Variants in LRRC17 observed in about 807,000 individuals in gnomAD.
The protein encoded by LRRC17 is leucine-rich repeat-containing protein 17.
A neutral mutation model predicts 41.5 loss-of-function variants in LRRC17; 33 were observed. The observed-to-expected ratio is 0.80, with a 90% CI of 0.60 to 1.06. The LOEUF (loss-of-function observed/expected upper bound fraction) is 1.06. Among genes scored for constraint, LRRC17 ranks in the 50% least tolerant of loss-of-function variants. The pLI is 0.00. For synonymous variants in LRRC17, 192 were observed against 197.0 expected, an observed-to-expected ratio of 0.97 and a Z score of 0.21; for missense variants, 491 against 519.3, an observed-to-expected ratio of 0.95 and a Z score of 0.53.
chr7:102,944,543 G>A lies in LRRC17; in HGVS notation c.1262G>A (p.Trp421Ter), dbSNP rs1221830346. The change falls in exon 4 of 4, where the codon TGG (tryptophan) becomes TAG (stop). Residue 421 changes from tryptophan (W) to a stop codon, truncating the protein, a stop_gained. Coordinates refer to ENST00000339431, the MANE Select transcript of LRRC17 (RefSeq NM_001031692.3). LOFTEE classifies it high-confidence loss of function. The part of the protein sequence containing the change: ...SFDQDTEDDE[W>*]EKKHRDHTAK... ...GACCAAGACACAGAAGATGATGAATGGGAAAAAAAACATAGAGATCACACC... is the reference window on the plus strand; with the variant it reads ...GACCAAGACACAGAAGATGATGAATAGGAAAAAAAACATAGAGATCACACC... The A allele has an allele frequency of 1.2e-6, 2 of 1,611,224 alleles. No individual in the cohort carries two copies. The highest frequency in any genetic ancestry group is 1.7e-6 in the Non-Finnish European group (2 of 1,179,132).
intron 1 of LRRC17, among the ~76,000 whole-genome samples, chr7:102,921,763 A>G (rs182897426): frequency 6.6e-6 from 1 of 152,376 alleles, no homozygotes; most frequent in African/African-American, 2.4e-5. Flanking sequence ...AAACTAGTCT[A>G]CCAAGAAATC....
chr7:102,939,616 G>C, intron 3 of LRRC17, 31 bp downstream of exon 3: 1 of 1,566,870 alleles, frequency 6.4e-7, no homozygotes, highest in Non-Finnish European at 8.6e-7. Context: ...CCTTCAATGG[G>C]TGGCAAGTGT....
intron 1 of LRRC17, among the ~76,000 whole-genome samples, chr7:102,920,984 G>C (rs147631853): frequency 6.6e-6 from 1 of 151,234 alleles, no homozygotes; most frequent in Admixed American, 6.6e-5. Flanking sequence ...AAACCCTGTC[G>C]CTACTAAAAA....
chr7:102,913,901 A>G (rs758113186), intron 1 of LRRC17, among the ~76,000 whole-genome samples: 44 of 152,214 alleles, frequency 2.9e-4, no homozygotes, highest in Non-Finnish European at 4.9e-4. Context: ...ATCAGAGACT[A>G]TAAATCTCGC....
intron 1 of LRRC17, among the ~76,000 whole-genome samples, chr7:102,920,724 T>C (rs1029133144): frequency 6.6e-6 from 1 of 152,264 alleles, no homozygotes. Context: ...AATTTAAAAA[T>C]AGAAGTTAGC....
chr7:102,934,698 C>T lies in LRRC17; in HGVS notation c.772+13C>T, dbSNP rs1461975502. On this transcript the variant is annotated intron_variant, in intron 2 of 3. Transcript: ENST00000339431. Reference sequence around the variant, plus strand: ...TGCAAAAGGAAAGGTTTGTACTTTTCTTACTTTTTCATTTTCATGAATAAC... The same window carrying T: ...TGCAAAAGGAAAGGTTTGTACTTTTTTTACTTTTTCATTTTCATGAATAAC... 6.4e-7 allele frequency: 1 copy of T among 1,560,120 alleles called. No homozygotes were observed. The highest frequency in any genetic ancestry group is 8.6e-7 in the Non-Finnish European group (1 of 1,158,628).
intron 1 of LRRC17, chr7:102,931,825 C>A: frequency 1.3e-6 from 2 of 1,522,106 alleles, no homozygotes; most frequent in Middle Eastern, 1.7e-4. Context: ...TATTGGCACC[C>A]CAATGTAGCA....
intron 2 of LRRC17, among the ~76,000 whole-genome samples, chr7:102,937,239 C>G (rs1820494829): frequency 6.6e-6 from 1 of 151,928 alleles, no homozygotes; most frequent in South Asian, 2.1e-4. Flanking sequence ...GTGGCTCACG[C>G]CTATAATCCC....
rs1439486826 is a variant in LRRC17 at position 102,921,654 on chromosome 7, T to C, written c.-141+8509T>C. ...GAGATCATACCACTGCACTCCAGCCTGGGCGACAGAGCAAGATTCCATCTC... is the reference window on the plus strand; with the variant it reads ...GAGATCATACCACTGCACTCCAGCCCGGGCGACAGAGCAAGATTCCATCTC... On this transcript the variant is annotated intron_variant, in intron 1 of 3. Coordinates refer to ENST00000339431, the MANE Select transcript of LRRC17 (RefSeq NM_001031692.3). 3.3e-5 allele frequency among the ~76,000 whole-genome samples: 5 copies of C among 152,196 alleles called. No individual in the cohort carries two copies. In the East Asian group the frequency reaches 7.7e-4, roughly 23 times the overall value.
chr7:102,937,159 C>A (rs548973045), intron 2 of LRRC17, among the ~76,000 whole-genome samples: 2 of 152,094 alleles, frequency 1.3e-5, no homozygotes, highest in African/African-American at 4.8e-5. Flanking sequence ...TAAGTTCCTC[C>A]AAGTGTTAAT....
chr7:102,935,195 G>A (rs1468054968), intron 2 of LRRC17, among the ~76,000 whole-genome samples: 3 of 147,928 alleles, frequency 2.0e-5, no homozygotes, highest in Non-Finnish European at 3.0e-5. Flanking sequence ...TTAGTCCCAA[G>A]GTTTTAATAA....
intron 1 of LRRC17, among the ~76,000 whole-genome samples, chr7:102,924,453 CTG>C (rs1817672291): frequency 6.6e-6 from 1 of 151,912 alleles, no homozygotes; most frequent in Non-Finnish European, 1.5e-5. Flanking sequence ...AGGAGGAAGA[CTG>C]TGTGTAAGAG....
Position 102,934,344 on chromosome 7 carries a change from T to G in LRRC17, c.431T>G (p.Leu144Trp), listed in dbSNP as rs1819850534. Residue 144 changes from leucine to tryptophan, a missense_variant, in exon 2 of 4, where the codon TTG becomes TGG. Transcript: ENST00000339431. ...LLLQHNQIKV[L>W]TEEVFIYTPL... ...CTGCAGCACAACCAGATCAAAGTCTTGACGGAGGAAGTGTTCATTTACACA... is the reference window on the plus strand; with the variant it reads ...CTGCAGCACAACCAGATCAAAGTCTGGACGGAGGAAGTGTTCATTTACACA... 1.2e-6 allele frequency: 2 copies of G among 1,614,020 alleles called. No individual in the cohort carries two copies. The highest frequency in any genetic ancestry group is 2.2e-5 in the South Asian group (2 of 91,074).
chr7:102,933,460 TG>T (rs1171483156), intron 1 of LRRC17: 1 of 152,532 alleles, frequency 6.6e-6, no homozygotes, highest in African/African-American at 2.4e-5. Context: ...TCCCCCGGGG[TG>T]GCCATGTGAA....
At chr7:102,934,719 A>C in intron 2 of LRRC17, 34 bp downstream of exon 2, 1 of 1,506,998 alleles carries the variant, frequency 6.6e-7, no homozygotes, top group Non-Finnish European at 9.0e-7. Flanking sequence ...ATTTTCATGA[A>C]TAACTTGAAA....
Position 102,934,639 on chromosome 7 carries a change from C to T in LRRC17, c.726C>T (p.Cys242=). The part of the protein sequence containing the change: ...VIKPEVDSTF[C]HNYVFPIQTL... ...AGCCTGAGGTGGACTCAACTTTTTG[C>T]CACAATTATGTGTTTCCCATACAAA... is the stretch of plus-strand genomic sequence containing the variant. Residue 242 remains cysteine (C), a synonymous_variant, in exon 2 of 4, where the codon TGC becomes TGT. Coordinates refer to ENST00000339431, the MANE Select transcript of LRRC17 (RefSeq NM_001031692.3). 6.2e-7 allele frequency: 1 copy of T among 1,607,504 alleles called. No individual in the cohort carries two copies. Among genetic ancestry groups the T allele is most frequent in the Non-Finnish European group, 8.5e-7 (1 of 1,178,296 alleles).
intron 2 of LRRC17, among the ~76,000 whole-genome samples, chr7:102,939,004 GA>G (rs1291320687): frequency 6.6e-6 from 1 of 151,978 alleles, no homozygotes; most frequent in African/African-American, 2.4e-5. Flanking sequence ...CATTTTTTTC[GA>G]CCCATTTATT....
At chr7:102,924,673 G>A (rs1333020047) in intron 1 of LRRC17, among the ~76,000 whole-genome samples, 13 of 131,364 alleles carry the variant, frequency 9.9e-5, no homozygotes, top group South Asian at 2.3e-4. Flanking sequence ...ATGGGGTCTC[G>A]CTCTGTCGCC....
intron 1 of LRRC17, among the ~76,000 whole-genome samples, chr7:102,921,635 A>G (rs865865): frequency 0.24 from 36,188 of 151,880 alleles, 5,057 homozygotes; most frequent in East Asian, 0.59. Flanking sequence ...AGCCGAGATC[A>G]TACCACTGCA....
Sources: allele counts gnomAD v4.1 joint callset (sites outside exome capture counted in the v4.1 genomes callset), GRCh38; gene constraint gnomAD v4.1.1; transcripts MANE v1.5; gene names NCBI Gene and HGNC (gene_info 2026-07-23, HGNC 2026-07-21).